The following TJP1 variants were observed in gnomAD, a reference collection of about 807,000 sequenced individuals.
TJP1 encodes the protein tight junction protein 1, also known as tight junction protein ZO-1.
TJP1 carries 43 observed loss-of-function variants against 194.2 expected under a neutral mutation model. The ratio of observed to expected loss-of-function variants is 0.22; its 90% CI spans 0.17 to 0.29. The LOEUF (loss-of-function observed/expected upper bound fraction) is 0.29, where lower values mean the gene tolerates loss of function less well. Ranked by LOEUF, TJP1 falls within the 10% of genes least tolerant of loss-of-function variation. The pLI is 1.00. For missense variants in TJP1, 1,971 were observed against 2,185.7 expected, an observed-to-expected ratio of 0.90 and a Z score of 1.96; for synonymous variants, 801 against 779.0, an observed-to-expected ratio of 1.03 and a Z score of -0.47.
Position 29,741,246 on chromosome 15 carries a change from T to C in TJP1, c.1256+85A>G, listed in dbSNP as rs1346841569. 6.2e-6 allele frequency: 6 copies of C among 961,820 alleles called. No homozygotes were observed. In the East Asian group the frequency reaches 1.3e-4, roughly 21 times the overall value. 59.6% of individuals were successfully genotyped at this position (961,820 alleles called of 1,614,324 possible). ...GGTATGTACTATTTTAAAAAATATA[T>C]GCAATATGGTTTACAATTAAATTCC... On this transcript the variant is annotated intron_variant, in intron 10 of 27. Transcript: ENST00000614355.
chr15:29,911,463 G>A (rs1339043990), intron 2 of TJP1, among the ~76,000 whole-genome samples: 3 of 152,176 alleles, frequency 2.0e-5, no homozygotes, highest in African/African-American at 4.8e-5. Flanking sequence ...GGTTTAATTG[G>A]CTCATGGTTC....
intron 2 of TJP1, among the ~76,000 whole-genome samples, chr15:29,785,120 T>A (rs1479534355): frequency 6.6e-6 from 1 of 152,214 alleles, no homozygotes; most frequent in Non-Finnish European, 1.5e-5. Context: ...TAAAAGTATG[T>A]TTACATGAGA....
chr15:29,949,610 T>TCCACAACCACCACC (rs2055526302), intron 2 of TJP1, among the ~76,000 whole-genome samples: 13 of 22,914 alleles, frequency 5.7e-4, no homozygotes, highest in African/African-American at 1.6e-3. Context: ...CACCTCCACC[T>TCCACAACCACCACC]TCACCACCAC....
intron 2 of TJP1, among the ~76,000 whole-genome samples, chr15:29,949,667 A>T (rs1405381630): frequency 1.0e-5 from 1 of 97,414 alleles, no homozygotes; most frequent in South Asian, 4.0e-4. Flanking sequence ...CACCTCCACA[A>T]CCACCACCTC....
At chr15:29,910,778 G>A (rs182707607) in intron 2 of TJP1, among the ~76,000 whole-genome samples, 5 of 152,124 alleles carry the variant, frequency 3.3e-5, no homozygotes, top group African/African-American at 7.2e-5. Flanking sequence ...AAAATAACAC[G>A]CTACAAGCAC....
rs562180705 is a variant in TJP1, at chr15:29,968,140, C to G, written c.173+527G>C. The G allele has an allele frequency of 2.5e-5, 25 of 985,446 alleles. No homozygotes were observed. In the African/African-American group the frequency reaches 3.8e-4, roughly 15 times the overall value. 61.0% of individuals were successfully genotyped at this position (985,446 alleles called of 1,614,324 possible). A position where few individuals can be genotyped will look rare whatever the true frequency, so the allele number is the denominator to read the frequency against. ...CAGGTCGGAGGAACTGGAACGCATG[C>G]AGGTGGAATACAGTCCCTGACAATG... On this transcript the variant is annotated intron_variant, in intron 1 of 28. Coordinates refer to the TJP1 transcript ENST00000356107.
chr15:29,836,268 G>C (rs1596073570), intron 2 of TJP1, among the ~76,000 whole-genome samples: 1 of 151,540 alleles, frequency 6.6e-6, no homozygotes, highest in East Asian at 1.9e-4. Context: ...TCTGTGGGAT[G>C]ATCAACTTTT....
chr15:29,961,372 C>G (rs1181964486), intron 1 of TJP1, among the ~76,000 whole-genome samples: 3 of 111,188 alleles, frequency 2.7e-5, no homozygotes, highest in Non-Finnish European at 5.0e-5. Flanking sequence ...GACGGAGTCT[C>G]GCTCTGTCGC....
chr15:29,820,938 CAT>C (rs2050289798), intron 1 of TJP1, among the ~76,000 whole-genome samples: 2 of 152,198 alleles, frequency 1.3e-5, no homozygotes, highest in Admixed American at 6.5e-5. Context: ...GTTTCAGAGG[CAT>C]AGTATTCCTG....
intron 8 of TJP1, among the ~76,000 whole-genome samples, chr15:29,755,744 C>CA (rs1283475832): frequency 1.3e-5 from 2 of 152,046 alleles, no homozygotes; most frequent in Non-Finnish European, 2.9e-5. Flanking sequence ...CTTTAGAAAA[C>CA]AGTTTAGGCC....
chr15:29,962,180 G>T (rs2056187486), intron 1 of TJP1, among the ~76,000 whole-genome samples: 1 of 152,236 alleles, frequency 6.6e-6, no homozygotes. Flanking sequence ...ACAACTTCTT[G>T]ACATTCTGCA....
At chr15:29,713,943 T>C (rs1051682925) in intron 23 of TJP1, among the ~76,000 whole-genome samples, 4 of 152,208 alleles carry the variant, frequency 2.6e-5, no homozygotes, top group African/African-American at 7.2e-5. Context: ...AAGACAGATG[T>C]CATCTGTTTC....
intron 1 of TJP1, among the ~76,000 whole-genome samples, chr15:29,960,635 CAAAA>C (rs3085441): frequency 8.5e-6 from 1 of 117,898 alleles, no homozygotes. Context: ...GACCATGTCT[CAAAA>C]AAAAAAAAAA....
At chr15:29,779,993 G>GAA (rs200746688) in intron 2 of TJP1, among the ~76,000 whole-genome samples, 98 of 124,872 alleles carry the variant, frequency 7.8e-4, no homozygotes, top group African/African-American at 2.6e-3. Context: ...CCTCCCGAAG[G>GAA]AAAAAAAAAA....
rs879662901 is a variant in TJP1, at chr15:29,778,332, T to TA, written c.85-4976dup. ...AATGGAGAAGAGGAGTTGGTGGACT[T>TA]AAAAAAAAAAAAATAGCCCCCAGGT... On this transcript the variant is annotated intron_variant, in intron 2 of 27. Coordinates refer to ENST00000614355, the MANE Select transcript of TJP1 (RefSeq NM_001330239.4). Among the ~76,000 whole-genome samples the TA allele has an allele frequency of 2.2e-3, 316 of 143,780 alleles. 4 individuals carry two copies. The South Asian group carries it at 0.025, about 11-fold the overall frequency. 94.3% of individuals were successfully genotyped at this position (143,780 alleles called of 152,430 possible). A position where few individuals can be genotyped will look rare whatever the true frequency, so the allele number is the denominator to read the frequency against.
chr15:29,956,111 C>T, intron 2 of TJP1: 1 of 861,978 alleles, frequency 1.2e-6, no homozygotes, highest in Non-Finnish European at 1.5e-6. Flanking sequence ...TTGGGTGAAC[C>T]ATTTCTAAAA....
intron 2 of TJP1, among the ~76,000 whole-genome samples, chr15:29,949,789 C>T (rs2055571634): frequency 9.7e-6 from 1 of 102,878 alleles, no homozygotes; most frequent in Admixed American, 1.1e-4. Flanking sequence ...CCACCACCAC[C>T]ACCTCCACCA....
chr15:29,907,045 A>G (rs1255009703), intron 2 of TJP1, among the ~76,000 whole-genome samples: 2 of 152,222 alleles, frequency 1.3e-5, no homozygotes, highest in African/African-American at 4.8e-5. Flanking sequence ...ATGAAAAGGT[A>G]CATAGGAGTT....
intron 2 of TJP1, among the ~76,000 whole-genome samples, chr15:29,848,064 A>G (rs2051486806): frequency 6.6e-6 from 1 of 151,988 alleles, no homozygotes; most frequent in Non-Finnish European, 1.5e-5. Flanking sequence ...TGTGGCAGAG[A>G]ACATACTCAC....
Sources: allele counts gnomAD v4.1 joint callset (sites outside exome capture counted in the v4.1 genomes callset), GRCh38; gene constraint gnomAD v4.1.1; transcripts MANE v1.5; gene names NCBI Gene and HGNC (gene_info 2026-07-23, HGNC 2026-07-21).